The following DPP10 variants were observed in gnomAD, a reference collection of about 807,000 sequenced individuals.
DPP10 encodes dipeptidyl peptidase like 10.
In DPP10, 33 loss-of-function variants were observed where a neutral mutation model predicts 120.9. The observed-to-expected ratio is 0.27, with a 90% CI of 0.21 to 0.37. The LOEUF (loss-of-function observed/expected upper bound fraction) is 0.37, where lower values mean the gene tolerates loss of function less well. DPP10 is among the 10% of genes least tolerant of loss of function. The pLI is 1.00. For missense variants in DPP10, 816 were observed against 942.8 expected, an observed-to-expected ratio of 0.87 and a Z score of 1.76; for synonymous variants, 337 against 326.1, an observed-to-expected ratio of 1.03 and a Z score of -0.36.
At chr2:114,740,252 T>G (rs1299840582) in intron 1 of DPP10, among the ~76,000 whole-genome samples, 2 of 150,088 alleles carry the variant, frequency 1.3e-5, no homozygotes, top group African/African-American at 4.9e-5. Context: ...TAAACTATTG[T>G]AAGGACAAAA....
intron 3 of DPP10, among the ~76,000 whole-genome samples, chr2:115,443,663 A>G (rs1305556985): frequency 2.0e-5 from 3 of 152,222 alleles, no homozygotes; most frequent in African/African-American, 4.8e-5. Flanking sequence ...TAGCATTAAC[A>G]TCATCAGGAA....
At chr2:114,621,660 T>C (rs954680744) in intron 1 of DPP10, among the ~76,000 whole-genome samples, 5 of 152,014 alleles carry the variant, frequency 3.3e-5, no homozygotes, top group South Asian at 4.1e-4. Flanking sequence ...AGCACCCTTA[T>C]AGTTTCAGCA....
chr2:114,950,890 T>C (rs1472001390), intron 1 of DPP10, among the ~76,000 whole-genome samples: 1 of 152,216 alleles, frequency 6.6e-6, no homozygotes, highest in Non-Finnish European at 1.5e-5. Flanking sequence ...GACCACTTAT[T>C]TGGTAGGTTG....
rs574895242 is a variant in DPP10 at position 115,386,749 on chromosome 2, T to C, written c.271+42837T>C. On this transcript the variant is annotated intron_variant, in intron 3 of 25. Coordinates refer to ENST00000410059, the MANE Select transcript of DPP10 (RefSeq NM_020868.6). ...GAAGGACAGAGGTTTTCCTTAAATATGCTGCTTCTCAATTTCATTCCTCTC... is the reference window on the plus strand; with the variant it reads ...GAAGGACAGAGGTTTTCCTTAAATACGCTGCTTCTCAATTTCATTCCTCTC... Among the ~76,000 whole-genome samples the C allele has an allele frequency of 3.3e-5, 5 of 152,264 alleles. No individual in the cohort carries two copies. In the South Asian group the frequency reaches 1.0e-3, roughly 32 times the overall value.
At chr2:115,645,481 T>C (rs1431353608) in intron 5 of DPP10, among the ~76,000 whole-genome samples, 1 of 152,164 alleles carries the variant, frequency 6.6e-6, no homozygotes, top group Non-Finnish European at 1.5e-5. Flanking sequence ...GCCTAGAAAC[T>C]ATATCAAATG....
intron 1 of DPP10, among the ~76,000 whole-genome samples, chr2:115,255,590 C>T (rs562912526): frequency 9.9e-5 from 15 of 152,268 alleles, no homozygotes; most frequent in South Asian, 8.3e-4. Context: ...CAAACTTTTA[C>T]GCTCTGCTTC....
intron 1 of DPP10, among the ~76,000 whole-genome samples, chr2:114,942,139 G>A (rs1360515069): frequency 6.6e-6 from 1 of 150,944 alleles, no homozygotes; most frequent in Admixed American, 6.6e-5. Context: ...CAGGCGCGGT[G>A]GTGGGTGCCT....
chr2:115,661,509 G>C (rs533951181), intron 5 of DPP10, among the ~76,000 whole-genome samples: 25 of 152,200 alleles, frequency 1.6e-4, no homozygotes, highest in Non-Finnish European at 3.1e-4. Flanking sequence ...ATCAGTTGTT[G>C]TGAGTGAAGT....
At chr2:115,734,655 TAAAAAAAAAAAA>T (rs55950813) in intron 8 of DPP10, among the ~76,000 whole-genome samples, 14 of 100,428 alleles carry the variant, frequency 1.4e-4, no homozygotes, top group African/African-American at 4.2e-4. Flanking sequence ...GACTCTGTCT[TAAAAAAAAAAAA>T]AAAAAAAAAA....
chr2:115,331,907 A>T (rs1468190130), intron 2 of DPP10, among the ~76,000 whole-genome samples: 1 of 152,058 alleles, frequency 6.6e-6, no homozygotes. Context: ...TGTCTCTGCC[A>T]GGCTTTGGTA....
chr2:114,770,636 G>A (rs1681164700), intron 1 of DPP10, among the ~76,000 whole-genome samples: 1 of 152,158 alleles, frequency 6.6e-6, no homozygotes, highest in Non-Finnish European at 1.5e-5. Context: ...CATGATACTT[G>A]CACATTTGTA....
chr2:114,526,000 T>A (rs763073721), intron 1 of DPP10, among the ~76,000 whole-genome samples: 2 of 152,200 alleles, frequency 1.3e-5, no homozygotes, highest in Non-Finnish European at 2.9e-5. Flanking sequence ...ATGAGCATAA[T>A]ACAAGGAAAT....
At chr2:114,549,331 C>G (rs1260085600) in intron 1 of DPP10, among the ~76,000 whole-genome samples, 1 of 151,992 alleles carries the variant, frequency 6.6e-6, no homozygotes, top group Non-Finnish European at 1.5e-5. Context: ...GAAGAGGCAG[C>G]TGACTTAAAG....
intron 3 of DPP10, among the ~76,000 whole-genome samples, chr2:115,466,455 AT>A (rs2074332655): frequency 6.6e-6 from 1 of 152,172 alleles, no homozygotes; most frequent in Non-Finnish European, 1.5e-5. Flanking sequence ...GTCTGATTTG[AT>A]GTATTAATTA....
chr2:115,485,575 TTTAA>T (rs1439080040), intron 3 of DPP10, among the ~76,000 whole-genome samples: 2 of 138,516 alleles, frequency 1.4e-5, no homozygotes, highest in Non-Finnish European at 3.2e-5. Context: ...CAATTTTCTA[TTTAA>T]TTAAGTCTTA....
At chr2:115,788,943 C>G (rs1378298994) in intron 17 of DPP10, among the ~76,000 whole-genome samples, 1 of 151,956 alleles carries the variant, frequency 6.6e-6, no homozygotes, top group Non-Finnish European at 1.5e-5. Context: ...ACGGTGAAAC[C>G]CTGTCTCTAC....
At chr2:115,420,054 C>A (rs843384) in intron 3 of DPP10, among the ~76,000 whole-genome samples, 136,491 of 152,216 alleles carry the variant, frequency 0.9, 61,341 homozygotes, top group Non-Finnish European at 0.92. Flanking sequence ...AAATGCCAAA[C>A]GTAAATTATT....
chr2:114,874,179 G>A (rs1239647151), intron 1 of DPP10, among the ~76,000 whole-genome samples: 17 of 152,246 alleles, frequency 1.1e-4, no homozygotes, highest in Non-Finnish European at 2.1e-4. Flanking sequence ...AAGAATTTGA[G>A]CATTACTTCC....
intron 1 of DPP10, among the ~76,000 whole-genome samples, chr2:115,303,987 G>C (rs1261091622): frequency 1.3e-5 from 2 of 151,896 alleles, no homozygotes; most frequent in East Asian, 3.9e-4. Flanking sequence ...TTAATATCAT[G>C]AGACAATATA....
Sources: allele counts gnomAD v4.1 joint callset (sites outside exome capture counted in the v4.1 genomes callset), GRCh38; gene constraint gnomAD v4.1.1; transcripts MANE v1.5; gene names NCBI Gene and HGNC (gene_info 2026-07-23, HGNC 2026-07-21).